ATP8B4: variants seen among roughly 807,000 people sequenced by gnomAD.
ATP8B4 encodes probable phospholipid-transporting ATPase IM.
In ATP8B4, 133 loss-of-function variants were observed where a neutral mutation model predicts 145.6. The observed-to-expected ratio is 0.91, with a 90% CI of 0.79 to 1.05. The LOEUF (loss-of-function observed/expected upper bound fraction) is 1.05. Among genes scored for constraint, ATP8B4 ranks in the 50% least tolerant of loss-of-function variants. The pLI is 0.00. For synonymous variants in ATP8B4, 507 were observed against 492.9 expected (o/e 1.03, Z -0.38); for missense variants, 1,458 against 1,425.2 (o/e 1.02, Z -0.37).
At chr15:50,042,850 A>G (rs1274140022) in intron 5 of ATP8B4, among the ~76,000 whole-genome samples, 1 of 152,198 alleles carries the variant, frequency 6.6e-6, no homozygotes, top group Non-Finnish European at 1.5e-5. Context: ...GAATCACAAA[A>G]AACACTCCGT....
intron 1 of ATP8B4, among the ~76,000 whole-genome samples, chr15:50,156,088 A>ATTTGTT (rs2044409725): frequency 2.9e-4 from 1 of 3,508 alleles, no homozygotes; most frequent in African/African-American, 4.4e-4. Flanking sequence ...ATATATATAT[A>ATTTGTT]TATAAATATA....
rs7163573 is a variant in ATP8B4 at position 50,125,611 on chromosome 15, G to A, written c.-42-18603C>T. On this transcript the variant is annotated intron_variant, in intron 1 of 3. Coordinates refer to the ATP8B4 transcript ENST00000558829. ...GAGCAGTCTGCACTACGGGAGGTTC[G>A]AAAAATTTATCAGGCCCAAAAAGAC... Among the ~76,000 whole-genome samples, 483 of 152,182 alleles carry A rather than the reference G, an allele frequency of 3.2e-3. 5 individuals are homozygous for A. Among genetic ancestry groups the A allele is most frequent in the African/African-American group, 0.011 (464 of 41,514 alleles).
chr15:49,931,329 G>A, intron 15 of ATP8B4, 22 bp from the exon 16 acceptor site: 5 of 1,598,298 alleles, frequency 3.1e-6, no homozygotes, highest in Non-Finnish European at 4.3e-6. Flanking sequence ...AGAAACAAGT[G>A]TATCAATACT....
chr15:50,164,119 A>G (rs2044562228), intron 1 of ATP8B4, among the ~76,000 whole-genome samples: 1 of 152,134 alleles, frequency 6.6e-6, no homozygotes, highest in South Asian at 2.1e-4. Flanking sequence ...TTGGCGCTCT[A>G]TCCCCACTGT....
At chr15:49,975,365 T>C (rs191941816) in intron 12 of ATP8B4, among the ~76,000 whole-genome samples, 12 of 152,236 alleles carry the variant, frequency 7.9e-5, no homozygotes, top group African/African-American at 2.6e-4. Flanking sequence ...ATCCCTTACA[T>C]AAAATGGCAG....
chr15:50,027,845 C>A (rs147622749), intron 6 of ATP8B4, among the ~76,000 whole-genome samples: 328 of 152,284 alleles, frequency 2.2e-3, no homozygotes, highest in Non-Finnish European at 3.4e-3. Flanking sequence ...AGTTTTTCCT[C>A]ACCCATGCTA....
At position 49,897,501 on chromosome 15, in the gene ATP8B4, C is replaced by T. The variant is rs2153428643; in HGVS notation, c.2488G>A (p.Val830Ile). Residue 830 changes from valine to isoleucine, a missense_variant, in exon 23 of 28, where the codon GTT becomes ATT. Val to Ile is a conservative substitution (Grantham distance 29). Coordinates refer to ENST00000284509, the MANE Select transcript of ATP8B4 (RefSeq NM_024837.4). ...AATCCTTCCTGGCCGCTGATGCCAA[C>T]ACCAATGTGAGCACCTACAAAGGAA... Reference protein sequence around the residue: ...VSMIKSAHIGVGISGQEGLQA... With the variant: ...VSMIKSAHIGIGISGQEGLQA... The T allele has an allele frequency of 6.4e-7, 1 of 1,558,276 alleles. No homozygotes were observed. Among genetic ancestry groups the T allele is most frequent in the Non-Finnish European group, 8.7e-7 (1 of 1,151,684 alleles).
At chr15:50,018,965 TACCTTCAGC>T in intron 6 of ATP8B4, 1 of 1,243,128 alleles carries the variant, frequency 8.0e-7, no homozygotes, top group Non-Finnish European at 1.1e-6. Flanking sequence ...CTCAGCTTTG[TACCTTCAGC>T]ACCTTCATTA....
At chr15:49,976,907 T>C (rs2045716924) in intron 12 of ATP8B4, among the ~76,000 whole-genome samples, 1 of 152,056 alleles carries the variant, frequency 6.6e-6, no homozygotes, top group Non-Finnish European at 1.5e-5. Flanking sequence ...TTTCACCCAG[T>C]CTCAGGCAAA....
chr15:50,080,498 T>A (rs2054472018), intron 2 of ATP8B4, among the ~76,000 whole-genome samples: 1 of 152,140 alleles, frequency 6.6e-6, no homozygotes, highest in Non-Finnish European at 1.5e-5. Context: ...TGTCTTTCCA[T>A]TTGGAAAGGA....
At chr15:50,149,001 C>T (rs548105891) in intron 1 of ATP8B4, among the ~76,000 whole-genome samples, 33 of 152,170 alleles carry the variant, frequency 2.2e-4, no homozygotes, top group Middle Eastern at 3.2e-3. Context: ...AGATAAGTAT[C>T]CCTTTTAAAA....
At chr15:50,116,553 TAAGG>T (rs1024508898) in intron 1 of ATP8B4, among the ~76,000 whole-genome samples, 2 of 151,880 alleles carry the variant, frequency 1.3e-5, no homozygotes, top group Non-Finnish European at 2.9e-5. Context: ...CATCAACATA[TAAGG>T]AAGGAGTGAA....
intron 2 of ATP8B4, among the ~76,000 whole-genome samples, chr15:50,092,639 A>C (rs752589020): frequency 3.9e-5 from 6 of 152,022 alleles, no homozygotes; most frequent in Admixed American, 6.6e-5. Flanking sequence ...GTAAGCTGGA[A>C]ACTGGTCAGT....
At chr15:50,178,728 T>C (rs530826898) in intron 1 of ATP8B4, among the ~76,000 whole-genome samples, 161 of 152,316 alleles carry the variant, frequency 1.1e-3, no homozygotes, top group African/African-American at 3.7e-3. Flanking sequence ...GGGCTATATG[T>C]TTATTGTTAC....
intron 5 of ATP8B4, among the ~76,000 whole-genome samples, chr15:50,040,295 C>A (rs539462462): frequency 6.6e-6 from 1 of 152,354 alleles, no homozygotes; most frequent in South Asian, 2.1e-4. Context: ...GCCACAGCTG[C>A]TACAAACAGG....
At chr15:50,040,636 A>G (rs1166910255) in intron 5 of ATP8B4, among the ~76,000 whole-genome samples, 2 of 152,222 alleles carry the variant, frequency 1.3e-5, no homozygotes, top group African/African-American at 2.4e-5. Context: ...TGAACATCAC[A>G]GAAAAAGACC....
At chr15:50,098,476 G>T (rs1032688462) in intron 2 of ATP8B4, among the ~76,000 whole-genome samples, 3 of 151,258 alleles carry the variant, frequency 2.0e-5, no homozygotes, top group Non-Finnish European at 2.9e-5. Context: ...CAGAGACAAG[G>T]TATTGCTATG....
chr15:50,102,927 GGATGGTTTAACATACACAAGTCAATAAAT>G (rs1334270957), intron 2 of ATP8B4, among the ~76,000 whole-genome samples: 1 of 151,916 alleles, frequency 6.6e-6, no homozygotes, highest in East Asian at 1.9e-4. Context: ...AGGGATGCAG[GGATGGTTTAACATACACAAGTCAATAAAT>G]GTGATACACC....
intron 12 of ATP8B4, among the ~76,000 whole-genome samples, 189 bp from the exon 13 acceptor site, chr15:49,972,979 AT>A (rs779845095): frequency 6.6e-6 from 1 of 152,148 alleles, no homozygotes; most frequent in Non-Finnish European, 1.5e-5. Flanking sequence ...TTTCCAAGTC[AT>A]TTTCTACAAC....
Sources: gnomAD v4.1 joint callset for allele counts (sites outside exome capture counted in the v4.1 genomes callset) on GRCh38, gnomAD v4.1.1 for gene constraint, MANE v1.5 for transcripts, NCBI Gene and HGNC (gene_info 2026-07-23, HGNC 2026-07-21) for gene names.